ZNF37A: variants seen among roughly 807,000 people sequenced by gnomAD.
ZNF37A encodes the protein zinc finger protein 37a (KOX 21).
In ZNF37A, 10 loss-of-function variants were observed where a neutral mutation model predicts 12.3. The ratio of observed to expected loss-of-function variants is 0.82; its 90% confidence interval spans 0.50 to 1.38. ZNF37A has a LOEUF of 1.38. Among genes scored for constraint, ZNF37A ranks in the 40% most tolerant of loss-of-function variants. The pLI is 0.00. For missense variants in ZNF37A, 580 were observed against 651.2 expected, an observed-to-expected ratio of 0.89 and a Z score of 1.19; for synonymous variants, 207 against 223.0, an observed-to-expected ratio of 0.93 and a Z score of 0.64.
intron 5 of ZNF37A, among the ~76,000 whole-genome samples, 158 bp downstream of exon 5, chr10:38,096,790 T>C (rs1444725295): frequency 6.6e-6 from 1 of 152,242 alleles, no homozygotes; most frequent in East Asian, 1.9e-4. Context: ...CGCATGTTTT[T>C]TTATGGTCCA....
chr10:38,098,547 A>G (rs2067324047), intron 5 of ZNF37A, among the ~76,000 whole-genome samples: 1 of 152,166 alleles, frequency 6.6e-6, no homozygotes, highest in African/African-American at 2.4e-5. Flanking sequence ...TTAATATTAA[A>G]TCTTATAATC....
At chr10:38,112,738 T>TCTCGGTCTCGGTCTCGGTCTCGGTC in intron 5 of ZNF37A, among the ~76,000 whole-genome samples, 3 of 58,912 alleles carry the variant, frequency 5.1e-5, no homozygotes, top group Non-Finnish European at 1.1e-4. Context: ...CCATTTTCTT[T>TCTCGGTCTCGGTCTCGGTCTCGGTC]TCTTTTCTTT....
chr10:38,130,658 C>T (rs1160320632), intron 7 of ZNF37A, among the ~76,000 whole-genome samples: 14 of 151,820 alleles, frequency 9.2e-5, no homozygotes. Flanking sequence ...GAAGTACAGA[C>T]TGGGTTTCAC....
Position 38,102,837 on chromosome 10 carries a change from AT to A in ZNF37A, c.15+6214del, listed in dbSNP as rs919124556. 1.5e-4 allele frequency among the ~76,000 whole-genome samples: 23 copies of A among 150,046 alleles called. No individual in the cohort carries two copies. The South Asian group carries it at 4.4e-3, about 29-fold the overall frequency. On this transcript the variant is annotated intron_variant, in intron 5 of 7. Transcript: ENST00000685332. Reference sequence around the variant, plus strand: ...TTTTGCCTAATGTAGAATTTTTGTTATTTTTTTTTCTTTTGGTACTTTAAAG... The same window carrying A: ...TTTTGCCTAATGTAGAATTTTTGTTATTTTTTTTCTTTTGGTACTTTAAAG...
In ZNF37A at chr10:38,119,188, A is replaced by G. The variant is rs2069538265; in HGVS notation, c.*351A>G. On this transcript the variant is annotated 3_prime_UTR_variant, in exon 8 of 8. Transcript: ENST00000685332. Reference sequence around the variant, plus strand: ...TTTTCTGCTACTACTACAGTTTCACAGAATACCTGAGAAGACACACTTGGA... The same window carrying G: ...TTTTCTGCTACTACTACAGTTTCACGGAATACCTGAGAAGACACACTTGGA... 4.9e-6 allele frequency: 5 copies of G among 1,023,396 alleles called. No homozygotes were observed. The highest frequency in any genetic ancestry group is 4.3e-5 in the South Asian group (1 of 23,484). The allele number at this position is 1,023,396 out of a possible 1,614,324, so 63.4% of individuals were successfully genotyped here.
downstream of ZNF37A, among the ~76,000 whole-genome samples, chr10:38,128,988 G>A (rs112935662): frequency 0.022 from 3,366 of 152,018 alleles, 130 homozygotes; most frequent in African/African-American, 0.076. Context: ...TCCTGACCTC[G>A]TGATCTGCCC....
chr10:38,099,264 T>G (rs1444341127), intron 5 of ZNF37A, among the ~76,000 whole-genome samples: 7 of 152,212 alleles, frequency 4.6e-5, no homozygotes, highest in Admixed American at 3.9e-4. Context: ...CTGTACCTAT[T>G]AAACAGTAAC....
downstream of ZNF37A, among the ~76,000 whole-genome samples, chr10:38,127,367 C>A (rs1323474747): frequency 6.6e-6 from 1 of 152,188 alleles, no homozygotes; most frequent in African/African-American, 2.4e-5. Context: ...TCACTGATGA[C>A]AAGCACTCAA....
At chr10:38,099,489 A>C (rs1485351447) in intron 5 of ZNF37A, among the ~76,000 whole-genome samples, 1 of 152,182 alleles carries the variant, frequency 6.6e-6, no homozygotes, top group African/African-American at 2.4e-5. Flanking sequence ...ATGATATTTC[A>C]TTGTACCCAT....
Position 38,114,679 on chromosome 10 carries a change from A to T in ZNF37A, c.16-76A>T, listed in dbSNP as rs2069093192. The T allele has an allele frequency of 1.9e-6, 3 of 1,585,940 alleles. No homozygotes were observed. In the Admixed American group the frequency reaches 5.0e-5, roughly 27 times the overall value. On this transcript the variant is annotated intron_variant, in intron 5 of 7. Coordinates refer to ENST00000685332, the MANE Select transcript of ZNF37A (RefSeq NM_001324250.3). ...AATTTTCAACAATAAAAATGGTAAG[A>T]ATTAGTCCCTAAACATCTTTTTTCA...
intron 5 of ZNF37A, among the ~76,000 whole-genome samples, chr10:38,100,866 AG>A (rs2067507990): frequency 6.6e-6 from 1 of 152,186 alleles, no homozygotes; most frequent in South Asian, 2.1e-4. Context: ...ATTGCAGTAA[AG>A]ACAGGCATAA....
chr10:38,140,739 T>A (rs2070171194), intron 7 of ZNF37A: 1 of 152,182 alleles, frequency 6.6e-6, no homozygotes, highest in Admixed American at 6.5e-5. Flanking sequence ...ATATAATGAT[T>A]CAGATCTCTG....
downstream of ZNF37A, among the ~76,000 whole-genome samples, chr10:38,129,304 T>TAAAAAAAAAA (rs775705417): frequency 1.2e-3 from 66 of 56,864 alleles, 4 homozygotes; most frequent in African/African-American, 3.6e-3. Flanking sequence ...AGACTCTGTC[T>TAAAAAAAAAA]AAAAAAAAAA....
Position 38,117,343 on chromosome 10 carries a change from C to T in ZNF37A, c.239-47C>T, listed in dbSNP as rs532705291. The T allele has an allele frequency of 5.2e-6, 8 of 1,527,200 alleles. No homozygotes were observed. The East Asian group carries it at 6.8e-5, about 13-fold the overall frequency. 94.6% of individuals were successfully genotyped at this position (1,527,200 alleles called of 1,614,324 possible). A position where few individuals can be genotyped will look rare whatever the true frequency, so the allele number is the denominator to read the frequency against. On this transcript the variant is annotated intron_variant, in intron 7 of 7. Transcript: ENST00000685332. ...CAAATATAATGCTAAGTTTATTTCTCTTACATATCCTCGTCAACTAACCTT... is the reference window on the plus strand; with the variant it reads ...CAAATATAATGCTAAGTTTATTTCTTTTACATATCCTCGTCAACTAACCTT...
chr10:38,130,110 A>C (rs950862464), downstream of ZNF37A, among the ~76,000 whole-genome samples: 3 of 152,104 alleles, frequency 2.0e-5, no homozygotes, highest in Non-Finnish European at 4.4e-5. Context: ...CAGGTACGGC[A>C]TGTAGGGAGA....
intron 7 of ZNF37A, among the ~76,000 whole-genome samples, chr10:38,145,640 C>T (rs777782630): frequency 1.1e-4 from 17 of 152,260 alleles, no homozygotes; most frequent in East Asian, 9.7e-4. Flanking sequence ...CACTGCGCAG[C>T]GGAAAACAAT....
intron 7 of ZNF37A, among the ~76,000 whole-genome samples, chr10:38,131,738 C>T (rs2474587): frequency 0.4 from 61,143 of 152,056 alleles, 12,541 homozygotes; most frequent in East Asian, 0.5. Context: ...TTGGCATCTT[C>T]ACAGTGTTAA....
rs544550132 is a variant in ZNF37A, at chr10:38,109,981, G to GA, written c.16-4767dup. ...ACCATTAACATTCTTCACAGAATTAGAAAAAAACTACTTTAAATTTTATAT... is the reference window on the plus strand; with the variant it reads ...ACCATTAACATTCTTCACAGAATTAGAAAAAAAACTACTTTAAATTTTATAT... On this transcript the variant is annotated intron_variant, in intron 5 of 7. Coordinates refer to ENST00000685332, the MANE Select transcript of ZNF37A (RefSeq NM_001324250.3). 7.9e-5 allele frequency among the ~76,000 whole-genome samples: 12 copies of GA among 152,164 alleles called. No individual in the cohort carries two copies. In the South Asian group the frequency reaches 1.9e-3, roughly 24 times the overall value.
At chr10:38,126,842 A>C (rs1319460852), downstream of ZNF37A, among the ~76,000 whole-genome samples, 2 of 152,152 alleles carry the variant, frequency 1.3e-5, no homozygotes, top group African/African-American at 2.4e-5. Flanking sequence ...TTTGCTAATA[A>C]CTAATGAGCT....
Sources: allele counts gnomAD v4.1 joint callset (sites outside exome capture counted in the v4.1 genomes callset), GRCh38; gene constraint gnomAD v4.1.1; transcripts MANE v1.5; gene names NCBI Gene and HGNC (gene_info 2026-07-23, HGNC 2026-07-21).